NAV2: variants seen among roughly 807,000 people sequenced by gnomAD.
NAV2 encodes the protein helicase, APC down-regulated 1.
In NAV2, 54 loss-of-function variants were observed where a neutral mutation model predicts 223.2. The ratio of observed to expected loss-of-function variants is 0.24; its 90% CI spans 0.19 to 0.30. NAV2 has a LOEUF of 0.30. Among genes scored for constraint, NAV2 ranks in the 10% least tolerant of loss-of-function variants. NAV2 has a pLI of 1.00. For synonymous variants in NAV2, 1,279 were observed against 1,239.3 expected (o/e 1.03, Z -0.67); for missense variants, 2,806 against 3,147.5 (o/e 0.89, Z 2.60).
intron 11 of NAV2, among the ~76,000 whole-genome samples, chr11:20,035,498 G>A (rs1278014923): frequency 6.6e-6 from 1 of 152,088 alleles, no homozygotes; most frequent in Non-Finnish European, 1.5e-5. Flanking sequence ...CTCGCTCGGC[G>A]TTTCATTCCA....
intron 1 of NAV2, among the ~76,000 whole-genome samples, chr11:19,532,509 T>C (rs1267016026): frequency 6.6e-6 from 1 of 152,224 alleles, no homozygotes; most frequent in Non-Finnish European, 1.5e-5. Flanking sequence ...ACAATACTAC[T>C]AGCTGCAGTA....
chr11:20,023,699 G>GGGGTGTGT (rs1554902313), intron 11 of NAV2, among the ~76,000 whole-genome samples: 8,207 of 144,570 alleles, frequency 0.057, 220 homozygotes, highest in East Asian at 0.11. Context: ...CAAATTGCTG[G>GGGGTGTGT]GTGTGTGTGT....
At chr11:19,946,328 G>A in intron 8 of NAV2, 73 bp from the exon 9 acceptor site, 1 of 1,357,850 alleles carries the variant, frequency 7.4e-7, no homozygotes, top group Non-Finnish European at 1.0e-6. Context: ...TATGGTCATA[G>A]ACATGGATGC....
At chr11:19,709,306 G>A (rs1208491792), upstream of NAV2, among the ~76,000 whole-genome samples, 3 of 152,032 alleles carry the variant, frequency 2.0e-5, no homozygotes, top group Non-Finnish European at 4.4e-5. Context: ...ACTTTGGGAG[G>A]CCAAGGCGGG....
chr11:20,008,999 A>T (rs1046198198), intron 11 of NAV2, among the ~76,000 whole-genome samples: 2 of 152,210 alleles, frequency 1.3e-5, no homozygotes, highest in African/African-American at 2.4e-5. Context: ...ATCGTGTTCA[A>T]CCATCACTTC....
intron 1 of NAV2, among the ~76,000 whole-genome samples, chr11:19,384,025 T>C (rs1343533734): frequency 2.0e-5 from 3 of 152,244 alleles, no homozygotes; most frequent in Non-Finnish European, 2.9e-5. Flanking sequence ...CCATGGTGCA[T>C]CTATTTAATT....
At chr11:19,589,005 A>G (rs1358797407) in intron 1 of NAV2, among the ~76,000 whole-genome samples, 2 of 152,182 alleles carry the variant, frequency 1.3e-5, no homozygotes, top group South Asian at 4.1e-4. Context: ...CACAGAGGGC[A>G]CCGTCCAGCC....
intron 11 of NAV2, among the ~76,000 whole-genome samples, chr11:20,034,351 G>GT (rs35333298): frequency 1.6e-4 from 21 of 130,842 alleles, no homozygotes; most frequent in East Asian, 6.7e-4. Context: ...CGATCAGCAA[G>GT]TTTTTTTTTT....
intron 11 of NAV2, among the ~76,000 whole-genome samples, chr11:20,011,832 G>C (rs894446): frequency 1 from 151,863 of 152,390 alleles, 75,675 homozygotes; most frequent in Middle Eastern, 1. Context: ...TTGATTAACT[G>C]TCTTCCTACT....
intron 1 of NAV2, among the ~76,000 whole-genome samples, chr11:19,640,124 A>G (rs530931882): frequency 2.0e-5 from 3 of 152,374 alleles, no homozygotes; most frequent in Non-Finnish European, 4.4e-5. Context: ...TATATGTTTC[A>G]GGGCAAAGTG....
chr11:19,801,992 T>C (rs1336888334), intron 1 of NAV2, among the ~76,000 whole-genome samples: 1 of 152,178 alleles, frequency 6.6e-6, no homozygotes, highest in Admixed American at 6.5e-5. Flanking sequence ...CGGAGGAGAA[T>C]AGCCAGGGTG....
intron 10 of NAV2, among the ~76,000 whole-genome samples, chr11:19,978,483 G>T (rs1289372184): frequency 6.6e-6 from 1 of 152,058 alleles, no homozygotes; most frequent in Non-Finnish European, 1.5e-5. Context: ...ATTGTTATTG[G>T]CAAGGAATAT....
At chr11:20,026,398 C>A (rs12225015) in intron 11 of NAV2, among the ~76,000 whole-genome samples, 36,257 of 151,926 alleles carry the variant, frequency 0.24, 4,495 homozygotes, top group East Asian at 0.36. Context: ...GCAAGCTCTG[C>A]CTCCCAGGTT....
rs138239142 is a variant in NAV2, at chr11:20,085,862, C to G, written c.5498+2683C>G. ...AAGAGGCTTATGTCGCCTCTTCCCA[C>G]AGTCCACTGACCAGGACTCAAAGCC... On this transcript the variant is annotated intron_variant, in intron 26 of 37. Transcript: ENST00000349880. Among the ~76,000 whole-genome samples the G allele has an allele frequency of 3.3e-5, 5 of 152,334 alleles. No individual in the cohort carries two copies. The East Asian group carries it at 9.6e-4, about 29-fold the overall frequency.
intron 1 of NAV2, among the ~76,000 whole-genome samples, chr11:19,620,899 G>C (rs2046972458): frequency 6.6e-6 from 1 of 152,158 alleles, no homozygotes; most frequent in Non-Finnish European, 1.5e-5. Context: ...CTGTGGGTTT[G>C]TCATAAATAG....
intron 1 of NAV2, among the ~76,000 whole-genome samples, chr11:19,459,283 C>T (rs11025139): frequency 0.31 from 46,764 of 152,102 alleles, 7,243 homozygotes; most frequent in Middle Eastern, 0.32. Context: ...CTTTTTGCAT[C>T]TTTCCTCTCT....
intron 3 of NAV2, among the ~76,000 whole-genome samples, chr11:19,865,885 A>G (rs2062060376): frequency 6.6e-6 from 1 of 152,106 alleles, no homozygotes; most frequent in Non-Finnish European, 1.5e-5. Flanking sequence ...AGAGAAAGAC[A>G]GGAATCAAGG....
At chr11:19,595,810 C>A (rs1342639146) in intron 1 of NAV2, among the ~76,000 whole-genome samples, 1 of 151,094 alleles carries the variant, frequency 6.6e-6, no homozygotes, top group Non-Finnish European at 1.5e-5. Context: ...AGTCCCCCTG[C>A]CTTGGTCTCC....
At chr11:19,927,460 T>C (rs2044871620) in intron 6 of NAV2, among the ~76,000 whole-genome samples, 1 of 152,212 alleles carries the variant, frequency 6.6e-6, no homozygotes, top group Non-Finnish European at 1.5e-5. Flanking sequence ...CAGGAACCTG[T>C]AATCCCAGCT....
Sources: allele counts gnomAD v4.1 joint callset (sites outside exome capture counted in the v4.1 genomes callset), GRCh38; gene constraint gnomAD v4.1.1; transcripts MANE v1.5; gene names NCBI Gene and HGNC (gene_info 2026-07-23, HGNC 2026-07-21).